The following DESI2 variants were observed in gnomAD, a reference collection of about 807,000 sequenced individuals.
DESI2 encodes the protein desumoylating isopeptidase 2.
In DESI2, 10 loss-of-function variants were observed where a neutral mutation model predicts 24.1. That is an observed-to-expected ratio of 0.41 (90% CI 0.26 to 0.70). The LOEUF (loss-of-function observed/expected upper bound fraction) is 0.70, where lower values mean the gene tolerates loss of function less well. Among genes scored for constraint, DESI2 ranks in the 30% least tolerant of loss-of-function variants. DESI2 has a pLI of 0.29. For missense variants in DESI2, 122 were observed against 234.9 expected, an observed-to-expected ratio of 0.52 and a Z score of 3.14; for synonymous variants, 71 against 87.7, an observed-to-expected ratio of 0.81 and a Z score of 1.06.
intron 4 of DESI2, chr1:244,694,536 C>A (rs1028065691): frequency 1.3e-6 from 1 of 777,148 alleles, no homozygotes. Context: ...GTGCCTCATT[C>A]GACCAGTCCC....
At chr1:244,675,714 A>G (rs996891559) in intron 1 of DESI2, among the ~76,000 whole-genome samples, 1 of 152,220 alleles carries the variant, frequency 6.6e-6, no homozygotes, top group African/African-American at 2.4e-5. Context: ...AGGAAGTCTG[A>G]GTCCTATAAC....
intron 4 of DESI2, among the ~76,000 whole-genome samples, chr1:244,705,034 G>C (rs958575202): frequency 1.3e-5 from 2 of 152,108 alleles, no homozygotes; most frequent in Non-Finnish European, 2.9e-5. Flanking sequence ...TGAAACAAGT[G>C]GGTCAGGGAG....
intron 1 of DESI2, 34 bp from the exon 2 acceptor site, chr1:244,686,563 G>A (rs755033661): frequency 5.8e-6 from 8 of 1,387,854 alleles, no homozygotes; most frequent in Middle Eastern, 1.8e-4. Flanking sequence ...TAAATGAACA[G>A]GTATTCTGAA....
intron 4 of DESI2, chr1:244,694,661 G>A (rs751974640): frequency 2.3e-5 from 18 of 783,302 alleles, no homozygotes; most frequent in Non-Finnish European, 4.2e-5. Flanking sequence ...TAGAGCCACA[G>A]CAGTGGCACG....
intron 2 of DESI2, among the ~76,000 whole-genome samples, 189 bp downstream of exon 2, chr1:244,686,858 AG>A (rs1676843805): frequency 6.6e-6 from 1 of 152,212 alleles, no homozygotes; most frequent in Non-Finnish European, 1.5e-5. Flanking sequence ...GTATTTGGGG[AG>A]AAAGTACTCA....
chr1:244,653,818 C>T (rs1012973076), intron 1 of DESI2: 5 of 404,954 alleles, frequency 1.2e-5, no homozygotes, highest in African/African-American at 4.2e-5. Context: ...TCCCAAGCCC[C>T]TCTAAGTCCA....
At chr1:244,661,552 C>T (rs2148782601) in intron 1 of DESI2, among the ~76,000 whole-genome samples, 1 of 152,172 alleles carries the variant, frequency 6.6e-6, no homozygotes, top group Non-Finnish European at 1.5e-5. Flanking sequence ...AATGCTATCC[C>T]TCCCCGCTCC....
intron 4 of DESI2, among the ~76,000 whole-genome samples, chr1:244,693,414 A>G (rs1677097147): frequency 6.6e-6 from 1 of 150,454 alleles, no homozygotes; most frequent in South Asian, 2.1e-4. Flanking sequence ...TTTTCCCCAT[A>G]TGAGTGCTGA....
intron 4 of DESI2, among the ~76,000 whole-genome samples, chr1:244,695,035 CTG>C (rs1677163547): frequency 6.6e-6 from 1 of 152,226 alleles, no homozygotes; most frequent in Non-Finnish European, 1.5e-5. Context: ...AGTGTCTCAA[CTG>C]TGAGTGTCAT....
intron 1 of DESI2, among the ~76,000 whole-genome samples, chr1:244,669,843 T>C (rs1223372439): frequency 6.6e-6 from 1 of 152,196 alleles, no homozygotes; most frequent in African/African-American, 2.4e-5. Flanking sequence ...CAAAGTAAGA[T>C]GTGGTTCTCC....
intron 1 of DESI2, among the ~76,000 whole-genome samples, chr1:244,682,028 C>G (rs1385116467): frequency 6.6e-6 from 1 of 152,182 alleles, no homozygotes; most frequent in African/African-American, 2.4e-5. Flanking sequence ...GGTTCGTGGT[C>G]TCGCTGACTT....
chr1:244,699,084 C>T (rs1013774699), intron 4 of DESI2, among the ~76,000 whole-genome samples: 2 of 152,194 alleles, frequency 1.3e-5, no homozygotes, highest in African/African-American at 4.8e-5. Flanking sequence ...TACCTTTCTA[C>T]TGGTGCACAC....
At position 244,705,913 on chromosome 1, in the gene DESI2, T is replaced by G. The variant is rs554339540; in HGVS notation, c.*124T>G. The G allele has an allele frequency of 1.4e-6, 1 of 704,138 alleles. No individual in the cohort carries two copies. The highest frequency in any genetic ancestry group is 2.3e-6 in the Non-Finnish European group (1 of 430,548). 43.6% of individuals were successfully genotyped at this position (704,138 alleles called of 1,614,324 possible). ...GATGGCTCTCCCCCAAATCCCAGTT[T>G]TTCAGCTCAGGATTATATTTGTAAT... On this transcript the variant is annotated 3_prime_UTR_variant, in exon 5 of 5. Transcript: ENST00000302550.
intron 4 of DESI2, among the ~76,000 whole-genome samples, chr1:244,701,342 G>A (rs1323683150): frequency 6.6e-6 from 1 of 151,448 alleles, no homozygotes; most frequent in Non-Finnish European, 1.5e-5. Flanking sequence ...ATCTGTGGAG[G>A]AACATCTTTT....
At position 244,709,020 on chromosome 1, in the gene DESI2, A is replaced by G. The variant is rs1007908872; in HGVS notation, c.*3231A>G. On this transcript the variant is annotated 3_prime_UTR_variant, in exon 5 of 5. Transcript: ENST00000302550. ...GAAATACATTGATTTATTAAAAAAT[A>G]CTTTTATAAGAAATGTTTTATAGTG... 10 of 152,342 alleles carry G rather than the reference A, an allele frequency of 6.6e-5. No individual in the cohort carries two copies. Among genetic ancestry groups the G allele is most frequent in the Non-Finnish European group, 1.5e-4 (10 of 68,052 alleles). The allele number at this position is 152,342 out of a possible 1,614,324, so 9.4% of individuals were successfully genotyped here.
chr1:244,664,631 G>A lies in DESI2; in HGVS notation c.42+11276G>A, dbSNP rs148635958. Among the ~76,000 whole-genome samples the A allele has an allele frequency of 3.0e-4, 46 of 152,332 alleles. No homozygotes were observed. The East Asian group carries it at 7.7e-3, about 26-fold the overall frequency. On this transcript the variant is annotated intron_variant, in intron 1 of 4. Transcript: ENST00000302550. Reference sequence around the variant, plus strand: ...GAGGATTGCCTCAGCCCAGAAGGTCGAGGCTGCAGTAAGCCATGATTGTGC... The same window carrying A: ...GAGGATTGCCTCAGCCCAGAAGGTCAAGGCTGCAGTAAGCCATGATTGTGC...
At chr1:244,672,143 G>A (rs563633499) in intron 1 of DESI2, among the ~76,000 whole-genome samples, 7 of 152,228 alleles carry the variant, frequency 4.6e-5, no homozygotes, top group African/African-American at 1.7e-4. Flanking sequence ...AGATCAGCCT[G>A]GGCAACATAG....
rs530881642 is a variant in DESI2 at position 244,707,080 on chromosome 1, TAAG to T, written c.*1294_*1296del. On this transcript the variant is annotated 3_prime_UTR_variant, in exon 5 of 5. Transcript: ENST00000302550. The stretch of plus-strand genomic sequence containing the variant: ...CATGTCAAATTCAATTTTTCTGCCT[TAAG>T]AATGAATGTCCTTCATAAAATATTG... 1.9e-4 allele frequency: 29 copies of T among 152,652 alleles called. No individual in the cohort carries two copies. The highest frequency in any genetic ancestry group is 4.1e-4 in the South Asian group (2 of 4,834). The allele number at this position is 152,652 out of a possible 1,614,324, so 9.5% of individuals were successfully genotyped here.
intron 4 of DESI2, among the ~76,000 whole-genome samples, chr1:244,700,967 TATG>T (rs1677427965): frequency 6.6e-6 from 1 of 152,226 alleles, no homozygotes; most frequent in South Asian, 2.1e-4. Context: ...TCTATGTGGT[TATG>T]ATATTTAGCT....
Sources: gnomAD v4.1 joint callset for allele counts (sites outside exome capture counted in the v4.1 genomes callset) on GRCh38, gnomAD v4.1.1 for gene constraint, MANE v1.5 for transcripts, NCBI Gene and HGNC (gene_info 2026-07-23, HGNC 2026-07-21) for gene names.